The following GRIK2 variants were observed in gnomAD, a reference collection of about 807,000 sequenced individuals.
The protein encoded by GRIK2 is glutamate receptor ionotropic, kainate 2.
A neutral mutation model predicts 100.3 loss-of-function variants in GRIK2; 32 were observed. The ratio of observed to expected loss-of-function variants is 0.32; its 90% CI spans 0.24 to 0.43. GRIK2 has a LOEUF of 0.43. Ranked by LOEUF, GRIK2 falls within the 20% of genes least tolerant of loss-of-function variation. The pLI, the probability that GRIK2 is intolerant of heterozygous loss-of-function variation, is 1.00. For synonymous variants in GRIK2, 417 were observed against 389.4 expected (o/e 1.07, Z -0.83); for missense variants, 843 against 1,114.9 (o/e 0.76, Z 3.47).
intron 7 of GRIK2, among the ~76,000 whole-genome samples, chr6:101,686,867 G>A (rs1302039747): frequency 2.0e-5 from 3 of 151,884 alleles, no homozygotes; most frequent in African/African-American, 7.3e-5. Flanking sequence ...ACCCAGAAGC[G>A]GCACTATTGC....
At chr6:101,400,136 G>A (rs1277385160) in intron 2 of GRIK2, among the ~76,000 whole-genome samples, 2 of 78,238 alleles carry the variant, frequency 2.6e-5, no homozygotes, top group East Asian at 6.1e-4. Flanking sequence ...GATAGTATCT[G>A]GGGCGGTGGG....
intron 12 of GRIK2, among the ~76,000 whole-genome samples, chr6:101,915,698 G>C (rs534282231): frequency 6.6e-5 from 10 of 151,450 alleles, no homozygotes; most frequent in Admixed American, 2.0e-4. Context: ...ATGGCAGTGA[G>C]TTTGATATGG....
intron 2 of GRIK2, among the ~76,000 whole-genome samples, chr6:101,507,606 A>T (rs1022867582): frequency 2.6e-5 from 4 of 152,220 alleles, no homozygotes; most frequent in African/African-American, 9.6e-5. Flanking sequence ...AGCTAAAATA[A>T]AGATGAATTA....
intron 2 of GRIK2, among the ~76,000 whole-genome samples, chr6:101,543,957 G>A (rs1562214343): frequency 6.6e-6 from 1 of 152,046 alleles, no homozygotes; most frequent in Admixed American, 6.6e-5. Flanking sequence ...AGTAAGCAGA[G>A]TATAATATAG....
intron 2 of GRIK2, among the ~76,000 whole-genome samples, chr6:101,501,431 T>G (rs1300854655): frequency 6.6e-6 from 1 of 152,220 alleles, no homozygotes; most frequent in Non-Finnish European, 1.5e-5. Flanking sequence ...AAATTACTTA[T>G]ACCAGTTATC....
At position 101,745,173 on chromosome 6, in the gene GRIK2, T is replaced by G. The variant is rs1583062375; in HGVS notation, c.952-54475T>G. 2.6e-5 allele frequency: 4 copies of G among 152,336 alleles called. No homozygotes were observed. In the East Asian group the frequency reaches 5.8e-4, roughly 22 times the overall value. 9.4% of individuals were successfully genotyped at this position (152,336 alleles called of 1,614,324 possible). ...TGGAGTAATTTAGTTTTTTTCAATT[T>G]TTGATAAAAAGCTGAAGGTATATCA... On this transcript the variant is annotated intron_variant, in intron 7 of 16. Coordinates refer to ENST00000369134, the MANE Select transcript of GRIK2 (RefSeq NM_021956.5).
chr6:101,622,054 C>T lies in GRIK2; in HGVS notation c.221C>T (p.Thr74Ile). 2 of 1,601,452 alleles carry T rather than the reference C, an allele frequency of 1.2e-6. No individual in the cohort carries two copies. Among genetic ancestry groups the T allele is most frequent in the African/African-American group, 1.3e-5 (1 of 74,824 alleles). ...INRNRTLLPN[T>I]TLTYDTQKIN... ...AGAAACAGAACATTGCTACCCAATA[C>T]TACCCTTACCTATGATACCCAGAAG... Residue 74 changes from threonine (T) to isoleucine (I), a missense_variant, in exon 3 of 17, where the codon ACT becomes ATT. Transcript: ENST00000369134.
intron 14 of GRIK2, among the ~76,000 whole-genome samples, chr6:102,001,074 G>A (rs1402840132): frequency 6.6e-6 from 1 of 151,774 alleles, no homozygotes; most frequent in Non-Finnish European, 1.5e-5. Flanking sequence ...TCTAAATAGT[G>A]AGTGAGTGAA....
chr6:101,431,823 G>A (rs754866875), intron 2 of GRIK2, among the ~76,000 whole-genome samples: 2 of 151,882 alleles, frequency 1.3e-5, no homozygotes, highest in Non-Finnish European at 2.9e-5. Context: ...GGTTCAAGGG[G>A]CATAAAGCTT....
chr6:101,605,755 T>A (rs17829435), intron 2 of GRIK2, among the ~76,000 whole-genome samples: 1 of 151,992 alleles, frequency 6.6e-6, no homozygotes, highest in Admixed American at 6.6e-5. Context: ...ACTATATACC[T>A]TCAATGATGA....
chr6:101,585,929 A>T (rs1397702467), intron 2 of GRIK2, among the ~76,000 whole-genome samples: 1 of 152,158 alleles, frequency 6.6e-6, no homozygotes, highest in Non-Finnish European at 1.5e-5. Flanking sequence ...ACAAAAAATG[A>T]TTAACTTTTG....
At chr6:101,614,620 G>A (rs1477197291) in intron 2 of GRIK2, among the ~76,000 whole-genome samples, 2 of 151,616 alleles carry the variant, frequency 1.3e-5, no homozygotes, top group African/African-American at 2.4e-5. Flanking sequence ...TGATGATTTT[G>A]TCCTTTGGAT....
At chr6:101,736,975 A>C (rs192854597) in intron 7 of GRIK2, among the ~76,000 whole-genome samples, 68 of 152,052 alleles carry the variant, frequency 4.5e-4, no homozygotes, top group African/African-American at 1.6e-3. Context: ...CATCTCTCTC[A>C]AGTTCAAAGT....
chr6:101,970,832 CTCAATTTGAGTTT>C (rs1421359658), intron 14 of GRIK2, among the ~76,000 whole-genome samples: 3 of 150,768 alleles, frequency 2.0e-5, no homozygotes, highest in Non-Finnish European at 2.9e-5. Context: ...CACCTCCTAC[CTCAATTTGAGTTT>C]AAGTTGAAAA....
At chr6:101,887,159 T>A (rs1786704586) in intron 11 of GRIK2, among the ~76,000 whole-genome samples, 1 of 152,172 alleles carries the variant, frequency 6.6e-6, no homozygotes, top group African/African-American at 2.4e-5. Context: ...ATTAATTTTT[T>A]AATATTCTAT....
chr6:101,781,445 A>G (rs895705584), intron 7 of GRIK2, among the ~76,000 whole-genome samples: 2 of 152,192 alleles, frequency 1.3e-5, no homozygotes, highest in Non-Finnish European at 2.9e-5. Context: ...TTGGGGGTAT[A>G]CTATCAATTT....
chr6:101,773,558 T>C (rs1342852685), intron 7 of GRIK2, among the ~76,000 whole-genome samples: 3 of 150,628 alleles, frequency 2.0e-5, no homozygotes, highest in African/African-American at 7.3e-5. Context: ...ACACTATAAA[T>C]ATGAGTGTAG....
At chr6:101,653,326 C>T (rs1470456547) in intron 4 of GRIK2, among the ~76,000 whole-genome samples, 1 of 152,026 alleles carries the variant, frequency 6.6e-6, no homozygotes, top group African/African-American at 2.4e-5. Context: ...GCTACCTGGT[C>T]TTGACCTTTG....
chr6:101,554,191 T>C (rs535514856), intron 2 of GRIK2, among the ~76,000 whole-genome samples: 1 of 152,210 alleles, frequency 6.6e-6, no homozygotes, highest in African/African-American at 2.4e-5. Flanking sequence ...AAGAGCCCGG[T>C]TCTGCAGGAA....
Sources: gnomAD v4.1 joint callset for allele counts (sites outside exome capture counted in the v4.1 genomes callset) on GRCh38, gnomAD v4.1.1 for gene constraint, MANE v1.5 for transcripts, NCBI Gene and HGNC (gene_info 2026-07-23, HGNC 2026-07-21) for gene names.